The following JAG2 variants were observed in gnomAD, a reference collection of about 807,000 sequenced individuals.
JAG2 encodes the protein jagged canonical Notch ligand 2.
In JAG2, 46 loss-of-function variants were observed where a neutral mutation model predicts 141.7. That is an observed-to-expected ratio of 0.32 (90% CI 0.26 to 0.42). The LOEUF (loss-of-function observed/expected upper bound fraction) is 0.42, where lower values mean the gene tolerates loss of function less well. JAG2 is among the 10% of genes least tolerant of loss of function. JAG2 has a pLI of 1.00. For synonymous variants in JAG2, 862 were observed against 763.5 expected (o/e 1.13, Z -2.13); for missense variants, 1,500 against 1,817.5 (o/e 0.83, Z 3.18).
In JAG2 at chr14:105,147,387, G is replaced by A. The variant is rs780445116; in HGVS notation, c.2418C>T (p.Asp806=). 12 of 1,603,584 alleles carry A rather than the reference G, an allele frequency of 7.5e-6. No homozygotes were observed. The highest frequency in any genetic ancestry group is 5.6e-5 in the South Asian group (5 of 89,526). ...LPCYNGGICV[D]GVNWFRCECA... is the part of the protein sequence containing the mutation. ...ACTCGCAGCGGAACCAGTTGACGCC[G>A]TCAACACAGATGCCACCATTGTAGC... is the stretch of plus-strand genomic sequence containing the variant. Residue 806 remains aspartate (D), a synonymous_variant, in exon 20 of 26, where the codon GAC becomes GAT. Coordinates refer to ENST00000331782, the MANE Select transcript of JAG2 (RefSeq NM_002226.5).
chr14:105,144,497 C>G (rs914110171), intron 24 of JAG2, among the ~76,000 whole-genome samples: 1 of 152,180 alleles, frequency 6.6e-6, no homozygotes. Flanking sequence ...CATTCCCTCC[C>G]CTCTCCGGGC....
chr14:105,156,764 G>A (rs962331880), intron 3 of JAG2, among the ~76,000 whole-genome samples: 8 of 152,098 alleles, frequency 5.3e-5, no homozygotes, highest in African/African-American at 1.4e-4. Context: ...GGGGCGTCCC[G>A]GCCGCCCCAG....
In JAG2 at chr14:105,149,224, C is replaced by G. The variant is rs780261848; in HGVS notation, c.1699G>C (p.Gly567Arg). ...CGGGGCACGGAGCAGTTCTTGCCAC[C>G]AAAGTCATCAGGGCAGGCGCAGTAA... ...DYYCACPDDF[G>R]GKNCSVPREP... The change falls in exon 13 of 26, where the codon GGT becomes CGT. Residue 567 changes from glycine to arginine, a missense_variant. Around this residue, in one of 3 missense-constraint regions of JAG2, gnomAD observed 875 missense variants for 1,202.2 expected, o/e 0.73. Coordinates refer to ENST00000331782, the MANE Select transcript of JAG2 (RefSeq NM_002226.5). 1 of 1,612,498 alleles carries G rather than the reference C, an allele frequency of 6.2e-7. No individual in the cohort carries two copies. The highest frequency in any genetic ancestry group is 8.5e-7 in the Non-Finnish European group (1 of 1,179,928).
At chr14:105,147,183 G>A in intron 20 of JAG2, 143 bp downstream of exon 20, 3 of 715,578 alleles carry the variant, frequency 4.2e-6, no homozygotes, top group African/African-American at 3.5e-5. Flanking sequence ...ACAGACATGT[G>A]GGGAAACTGA....
intron 12 of JAG2, 110 bp from the exon 13 acceptor site, chr14:105,149,430 C>T (rs1041496045): frequency 2.7e-5 from 37 of 1,372,774 alleles, no homozygotes; most frequent in Middle Eastern, 4.5e-4. Context: ...CAGGCCCCTC[C>T]GCCCTGGGCC....
At chr14:105,160,666 T>C (rs1180550807) in intron 2 of JAG2, among the ~76,000 whole-genome samples, 3 of 152,060 alleles carry the variant, frequency 2.0e-5, no homozygotes, top group Admixed American at 1.3e-4. Flanking sequence ...AGTTCGAGAC[T>C]AGTCTGGTCA....
intron 12 of JAG2, among the ~76,000 whole-genome samples, chr14:105,149,806 T>G (rs1166557856): frequency 1.5e-5 from 1 of 67,456 alleles, no homozygotes; most frequent in Admixed American, 1.5e-4. Flanking sequence ...GGTAGGGAGG[T>G]GGGTGGGGGG....
At chr14:105,158,236 G>A (rs768879575) in intron 2 of JAG2, among the ~76,000 whole-genome samples, 12 of 152,078 alleles carry the variant, frequency 7.9e-5, no homozygotes, top group African/African-American at 1.9e-4. Context: ...CCACGCTGGC[G>A]GCCTCCACCA....
intron 2 of JAG2, among the ~76,000 whole-genome samples, chr14:105,162,458 C>A (rs370730383): frequency 2.7e-4 from 10 of 37,650 alleles, no homozygotes; most frequent in Admixed American, 6.1e-4. Context: ...ATGTTCCACC[C>A]CAGGCCAGGG....
At chr14:105,143,853 A>G (rs1264356506) in intron 24 of JAG2, among the ~76,000 whole-genome samples, 1 of 148,258 alleles carries the variant, frequency 6.7e-6, no homozygotes, top group Non-Finnish European at 1.5e-5. Context: ...CCGGGCACAC[A>G]GGAGAGCCCA....
At chr14:105,149,414 GACCCCCAGGCC>G in intron 12 of JAG2, 94 bp from the exon 13 acceptor site, 1 of 1,537,020 alleles carries the variant, frequency 6.5e-7, no homozygotes, top group Non-Finnish European at 9.0e-7. Context: ...GATCCCTGGG[GACCCCCAGGCC>G]CCTCCGCCCT....
In JAG2 at chr14:105,168,023, C is replaced by T; in HGVS notation, c.151G>A (p.Asp51Asn). 6.3e-7 allele frequency: 1 copy of T among 1,597,676 alleles called. No individual in the cohort carries two copies. Among genetic ancestry groups the T allele is most frequent in the Non-Finnish European group, 8.5e-7 (1 of 1,176,972 alleles). ...GCGCGCGTTGTCCGGCCGTCGCCGT[C>T]ACAGCAGGCGCCGCTCAGCAGCTCC... ...NGELLSGACC[D>N]GDGRTTRAGG... Residue 51 changes from aspartate to asparagine, a missense_variant, in exon 2 of 26, where the codon GAC becomes AAC. Asp to Asn is a conservative substitution (Grantham distance 23, BLOSUM62 1). Transcript: ENST00000331782.
intron 2 of JAG2, among the ~76,000 whole-genome samples, chr14:105,166,441 A>G (rs1190798044): frequency 6.6e-6 from 1 of 152,302 alleles, no homozygotes; most frequent in East Asian, 1.9e-4. Context: ...GCTTCTCACA[A>G]CTGCCTGGGC....
At chr14:105,143,697 G>A in intron 24 of JAG2, 59 bp from the exon 25 acceptor site, 1 of 1,585,730 alleles carries the variant, frequency 6.3e-7, no homozygotes, top group Non-Finnish European at 8.5e-7. Context: ...CCAGCAGCCT[G>A]CCCCCAACAC....
Position 105,150,731 on chromosome 14 carries a change from C to T in JAG2, c.1475G>A (p.Gly492Asp), listed in dbSNP as rs764222488. Residue 492 changes from glycine to aspartate, a missense_variant, in exon 12 of 26, where the codon GGC (glycine) becomes GAC (aspartate). Gly to Asp is a moderately conservative substitution (Grantham distance 94). Around this residue, in one of 3 missense-constraint regions of JAG2, gnomAD observed 875 missense variants for 1,202.2 expected, o/e 0.73. Transcript: ENST00000331782. Reference protein sequence around the residue: ...YQCVCPRGFGGRHCELERDEC... With the variant: ...YQCVCPRGFGDRHCELERDEC... ...GTCTCGTTCCAGCTCGCAATGCCGGCCTCCGAAGCCCCGTGGGCACACACA... is the reference window on the plus strand; with the variant it reads ...GTCTCGTTCCAGCTCGCAATGCCGGTCTCCGAAGCCCCGTGGGCACACACA... 2 of 1,578,706 alleles carry T rather than the reference C, an allele frequency of 1.3e-6. No individual in the cohort carries two copies. Among genetic ancestry groups the T allele is most frequent in the Admixed American group, 3.6e-5 (2 of 54,844 alleles).
intron 9 of JAG2, 70 bp downstream of exon 9, chr14:105,151,213 C>CTGCCCCCGCAGCCCCA: frequency 7.3e-7 from 1 of 1,372,522 alleles, no homozygotes; most frequent in Non-Finnish European, 1.0e-6. Context: ...CAGCAGCCCC[C>CTGCCCCCGCAGCCCCA]GCAGCCCCAG....
chr14:105,156,377 C>T (rs938992618), intron 3 of JAG2, among the ~76,000 whole-genome samples: 1 of 152,142 alleles, frequency 6.6e-6, no homozygotes, highest in African/African-American at 2.4e-5. Context: ...CCTGCACCCA[C>T]CTGCGCCGTG....
In JAG2 at chr14:105,148,155, C is replaced by T. The variant is rs746789751; in HGVS notation, c.2209G>A (p.Ala737Thr). ...CYDSGDTFRCACPPGWKGSTC... is the reference protein window; with the variant it reads ...CYDSGDTFRCTCPPGWKGSTC... ...CTGCCCTTCCAGCCGGGGGGGCAGG[C>T]GCAGCGGAAGGTGTCGCCGCTGTCG... is the stretch of plus-strand genomic sequence containing the variant. Residue 737 changes from alanine to threonine, a missense_variant, in exon 17 of 26, where the codon GCC becomes ACC. By Grantham distance (58) the Ala-to-Thr change is moderately conservative. Coordinates refer to ENST00000331782, the MANE Select transcript of JAG2 (RefSeq NM_002226.5). The T allele has an allele frequency of 7.4e-5, 115 of 1,550,260 alleles. No homozygotes were observed. The highest frequency in any genetic ancestry group is 9.6e-5 in the Non-Finnish European group (110 of 1,146,952).
At chr14:105,159,497 C>T (rs1888668737) in intron 2 of JAG2, among the ~76,000 whole-genome samples, 1 of 151,940 alleles carries the variant, frequency 6.6e-6, no homozygotes, top group Admixed American at 6.6e-5. Flanking sequence ...GGCCCGCAAA[C>T]CTCTGCCTAC....
Sources: allele counts gnomAD v4.1 joint callset (sites outside exome capture counted in the v4.1 genomes callset), GRCh38; gene constraint gnomAD v4.1.1; regional missense constraint gnomAD v4.1.1; transcripts MANE v1.5; gene names NCBI Gene and HGNC (gene_info 2026-07-23, HGNC 2026-07-21).